ADK: variants seen among roughly 807,000 people sequenced by gnomAD.
ADK encodes N6,N6-dimethyladenosine kinase.
ADK carries 24 observed loss-of-function variants against 44.7 expected under a neutral mutation model. The observed-to-expected ratio is 0.54, with a 90% CI of 0.39 to 0.76. The LOEUF (loss-of-function observed/expected upper bound fraction) is 0.76, where lower values mean the gene tolerates loss of function less well. Among genes scored for constraint, ADK ranks in the 30% least tolerant of loss-of-function variants. The pLI, the probability that ADK is intolerant of heterozygous loss-of-function variation, is 0.00. For missense variants in ADK, 321 were observed against 425.1 expected, an observed-to-expected ratio of 0.76 and a Z score of 2.15; for synonymous variants, 128 against 142.6, an observed-to-expected ratio of 0.90 and a Z score of 0.73.
chr10:74,247,351 A>C (rs987980723), intron 3 of ADK, among the ~76,000 whole-genome samples: 3 of 143,044 alleles, frequency 2.1e-5, no homozygotes, highest in Non-Finnish European at 4.5e-5. Flanking sequence ...TGATCCTCCC[A>C]CCTCAGCCTC....
chr10:74,631,107 G>A (rs753438698), intron 9 of ADK, among the ~76,000 whole-genome samples: 4 of 151,800 alleles, frequency 2.6e-5, no homozygotes, highest in South Asian at 2.1e-4. Flanking sequence ...AGATCTCCAG[G>A]TTCAGCTTGT....
chr10:74,677,065 C>G (rs1202639726), intron 10 of ADK, among the ~76,000 whole-genome samples: 3 of 151,984 alleles, frequency 2.0e-5, no homozygotes, highest in African/African-American at 4.8e-5. Context: ...GACAACGTGG[C>G]AAAACCCCAT....
intron 3 of ADK, among the ~76,000 whole-genome samples, chr10:74,253,376 G>A (rs1316342656): frequency 6.6e-6 from 1 of 152,310 alleles, no homozygotes; most frequent in Admixed American, 6.5e-5. Flanking sequence ...GCCATGGAAA[G>A]TGGTGGTAAC....
At chr10:74,332,083 C>T (rs1431946373) in intron 4 of ADK, among the ~76,000 whole-genome samples, 3 of 152,136 alleles carry the variant, frequency 2.0e-5, no homozygotes, top group African/African-American at 7.2e-5. Flanking sequence ...GTATTAAACT[C>T]CTGACCTCAA....
chr10:74,306,119 G>T (rs1840240404), intron 3 of ADK, among the ~76,000 whole-genome samples: 1 of 151,474 alleles, frequency 6.6e-6, no homozygotes, highest in Non-Finnish European at 1.5e-5. Context: ...TTGTCCTATA[G>T]GTCTGAGTCT....
chr10:74,280,876 A>G (rs1014388716), intron 3 of ADK, among the ~76,000 whole-genome samples: 1 of 152,116 alleles, frequency 6.6e-6, no homozygotes, highest in African/African-American at 2.4e-5. Flanking sequence ...CATATTTTGA[A>G]TTGTAGTTAT....
intron 9 of ADK, among the ~76,000 whole-genome samples, chr10:74,612,134 A>AT (rs577637282): frequency 2.8e-4 from 42 of 151,964 alleles, no homozygotes; most frequent in African/African-American, 1.0e-3. Context: ...CCAATGTGTA[A>AT]TTTTTTTACT....
At chr10:74,342,814 TG>T (rs1245880781) in intron 4 of ADK, among the ~76,000 whole-genome samples, 2 of 151,936 alleles carry the variant, frequency 1.3e-5, no homozygotes, top group African/African-American at 4.8e-5. Context: ...TGTGTGTGTG[TG>T]TTTTAATATT....
chr10:74,372,431 C>T (rs537903769), intron 4 of ADK: 12 of 581,782 alleles, frequency 2.1e-5, no homozygotes, highest in African/African-American at 1.5e-4. Flanking sequence ...TTATTGCACA[C>T]GCTCTTAAGC....
At chr10:74,464,487 A>G (rs1427519145) in intron 6 of ADK, among the ~76,000 whole-genome samples, 1 of 152,094 alleles carries the variant, frequency 6.6e-6, no homozygotes, top group Non-Finnish European at 1.5e-5. Context: ...TTGAGCCTGG[A>G]AGGTCGAGGT....
intron 9 of ADK, among the ~76,000 whole-genome samples, chr10:74,630,835 A>G (rs1187391854): frequency 1.3e-5 from 2 of 152,102 alleles, no homozygotes; most frequent in Admixed American, 6.5e-5. Context: ...TTTTATTTTT[A>G]TTATTCCTTA....
intron 6 of ADK, among the ~76,000 whole-genome samples, chr10:74,427,687 C>T (rs1435379905): frequency 3.3e-5 from 5 of 151,092 alleles, no homozygotes; most frequent in Non-Finnish European, 7.4e-5. Flanking sequence ...GTGTATGTAT[C>T]TGTTGATGTG....
chr10:74,674,458 A>G (rs761605585), intron 10 of ADK, among the ~76,000 whole-genome samples: 3 of 152,024 alleles, frequency 2.0e-5, no homozygotes, highest in Non-Finnish European at 4.4e-5. Context: ...ACATGGCGAA[A>G]CTCTGTCTCT....
At chr10:74,498,176 A>T (rs1246424651) in intron 6 of ADK, among the ~76,000 whole-genome samples, 1 of 152,252 alleles carries the variant, frequency 6.6e-6, no homozygotes, top group African/African-American at 2.4e-5. Flanking sequence ...GGCATGAGCC[A>T]CTGCGCCTGG....
chr10:74,204,610 A>T (rs1252488780), intron 2 of ADK, among the ~76,000 whole-genome samples: 1 of 152,242 alleles, frequency 6.6e-6, no homozygotes, highest in East Asian at 1.9e-4. Flanking sequence ...ATCCTAAGAC[A>T]TTCAGATAGA....
chr10:74,371,447 A>G, intron 4 of ADK: 1 of 626,038 alleles, frequency 1.6e-6, no homozygotes. Flanking sequence ...TATTAGAAGT[A>G]ATAAATGGCT....
intron 3 of ADK, among the ~76,000 whole-genome samples, chr10:74,312,637 T>G (rs1209477300): frequency 6.6e-6 from 1 of 151,672 alleles, no homozygotes; most frequent in Admixed American, 6.6e-5. Context: ...CCTGGCTCCA[T>G]GGCTTGCACC....
At chr10:74,444,571 G>T (rs1845530681) in intron 6 of ADK, among the ~76,000 whole-genome samples, 1 of 152,020 alleles carries the variant, frequency 6.6e-6, no homozygotes, top group Non-Finnish European at 1.5e-5. Context: ...CTATTTTGTA[G>T]CAAGGGGTTG....
At chr10:74,691,744 T>A (rs1246132138) in intron 10 of ADK, among the ~76,000 whole-genome samples, 1 of 152,182 alleles carries the variant, frequency 6.6e-6, no homozygotes, top group African/African-American at 2.4e-5. Context: ...ATATAATGCA[T>A]GTAATTTTAA....
Sources: allele counts gnomAD v4.1 joint callset (sites outside exome capture counted in the v4.1 genomes callset), GRCh38; gene constraint gnomAD v4.1.1; transcripts MANE v1.5; gene names NCBI Gene and HGNC (gene_info 2026-07-23, HGNC 2026-07-21).